Variants in PTPRQ observed in about 807,000 individuals in gnomAD.
PTPRQ encodes protein tyrosine phosphatase receptor type Q, also known as phosphatidylinositol phosphatase PTPRQ.
PTPRQ carries 199 observed loss-of-function variants against 246.0 expected under a neutral mutation model. That is an observed-to-expected ratio of 0.81 (90% confidence interval 0.72 to 0.91). The LOEUF (loss-of-function observed/expected upper bound fraction) is 0.91. Ranked by LOEUF, PTPRQ falls within the 40% of genes least tolerant of loss-of-function variation. PTPRQ has a pLI of 0.00. For missense variants in PTPRQ, 2,624 were observed against 2,528.4 expected (o/e 1.04, Z -0.81); for synonymous variants, 869 against 853.2 (o/e 1.02, Z -0.32).
chr12:80,555,813 T>C (rs988878651), intron 25 of PTPRQ, among the ~76,000 whole-genome samples: 48 of 152,190 alleles, frequency 3.2e-4, no homozygotes, highest in African/African-American at 1.1e-3. Flanking sequence ...TTTTTACACT[T>C]CTTGTAGTGC....
chr12:80,473,554 C>A (rs1893721664), intron 8 of PTPRQ, among the ~76,000 whole-genome samples: 1 of 152,204 alleles, frequency 6.6e-6, no homozygotes. Context: ...CTATTGTCTT[C>A]TTTCAAGACC....
chr12:80,472,329 G>T, intron 8 of PTPRQ, 78 bp downstream of exon 8: 1 of 1,504,622 alleles, frequency 6.6e-7, no homozygotes, highest in Non-Finnish European at 8.9e-7. Flanking sequence ...GATATTAGAA[G>T]CAATTTGTTT....
chr12:80,577,240 G>A (rs1565796817), intron 25 of PTPRQ, among the ~76,000 whole-genome samples: 1 of 152,214 alleles, frequency 6.6e-6, no homozygotes, highest in East Asian at 1.9e-4. Flanking sequence ...AGAAGTTTAA[G>A]TGACTCACAG....
chr12:80,669,446 G>T lies in PTPRQ; in HGVS notation c.6435G>T (p.Arg2145Ser). 6.5e-7 allele frequency: 1 copy of T among 1,544,916 alleles called. No homozygotes were observed. Among genetic ancestry groups the T allele is most frequent in the Non-Finnish European group, 8.7e-7 (1 of 1,144,402 alleles). The part of the protein sequence containing the change: ...MEDVQIDWTI[R>S]DLKIERHGDC... ...ATGTTCAAATAGATTGGACTATCAGGGATCTGAAAATTGAAAGGGTAAAAA... is the reference window on the plus strand; with the variant it reads ...ATGTTCAAATAGATTGGACTATCAGTGATCTGAAAATTGAAAGGGTAAAAA... Residue 2145 changes from arginine to serine, a missense_variant, in exon 41 of 45, where the codon AGG becomes AGT. By Grantham distance (110) the Arg-to-Ser change is moderately radical (BLOSUM62 -1). Transcript: ENST00000644991.
intron 3 of PTPRQ, chr12:80,454,659 G>C: frequency 1.6e-6 from 1 of 633,208 alleles, no homozygotes; most frequent in Non-Finnish European, 2.8e-6. Flanking sequence ...CTACTTTGTT[G>C]AGGGTTTTTA....
At chr12:80,600,963 G>A (rs1344645929) in intron 26 of PTPRQ, among the ~76,000 whole-genome samples, 4 of 151,802 alleles carry the variant, frequency 2.6e-5, no homozygotes, top group South Asian at 2.1e-4. Context: ...CATACCAGGC[G>A]AAATCCTGCC....
intron 16 of PTPRQ, among the ~76,000 whole-genome samples, chr12:80,507,811 A>G (rs1478772553): frequency 6.6e-6 from 1 of 152,032 alleles, no homozygotes; most frequent in African/African-American, 2.4e-5. Flanking sequence ...AGTTAAAATT[A>G]TCTTAATAAA....
intron 42 of PTPRQ, 123 bp from the exon 43 acceptor site, chr12:80,673,046 T>A: frequency 7.3e-7 from 1 of 1,368,938 alleles, no homozygotes; most frequent in Non-Finnish European, 9.6e-7. Flanking sequence ...CCAAAGAAAA[T>A]CTGCCTCCAA....
chr12:80,557,782 T>C (rs558007806), intron 25 of PTPRQ, among the ~76,000 whole-genome samples: 96 of 152,246 alleles, frequency 6.3e-4, no homozygotes, highest in African/African-American at 2.2e-3. Flanking sequence ...TGTACACAAA[T>C]AGTATATCAG....
intron 31 of PTPRQ, 96 bp downstream of exon 31, chr12:80,619,638 A>C: frequency 9.9e-7 from 1 of 1,005,598 alleles, no homozygotes; most frequent in Non-Finnish European, 1.3e-6. Flanking sequence ...ACTCCCAGTT[A>C]TCACACACCT....
intron 25 of PTPRQ, among the ~76,000 whole-genome samples, chr12:80,550,932 C>T (rs1019196223): frequency 6.6e-6 from 1 of 151,332 alleles, no homozygotes; most frequent in African/African-American, 2.4e-5. Flanking sequence ...TATTGATAGG[C>T]CCTCCTTCCA....
intron 27 of PTPRQ, among the ~76,000 whole-genome samples, 193 bp downstream of exon 27, chr12:80,605,373 C>T (rs764794622): frequency 1.9e-4 from 28 of 151,322 alleles, no homozygotes; most frequent in Admixed American, 5.3e-4. Flanking sequence ...AATCAGTTAA[C>T]ATGCATAAAG....
rs12312181 is a variant in PTPRQ at position 80,652,460 on chromosome 12, T to C, written c.6025-284T>C. 0.086 allele frequency among the ~76,000 whole-genome samples: 13,031 copies of C among 152,078 alleles called. 743 individuals are homozygous for C. The highest frequency in any genetic ancestry group is 0.18 in the South Asian group (888 of 4,818). ...CTGATGAAACCATTAGTAACATATG[T>C]AAAATGGTCACTAACATGGTTGCCA... On this transcript the variant is annotated intron_variant, in intron 37 of 44. Coordinates refer to ENST00000644991, the MANE Select transcript of PTPRQ (RefSeq NM_001145026.2).
intron 38 of PTPRQ, among the ~76,000 whole-genome samples, chr12:80,657,426 T>C (rs1900478437): frequency 6.6e-6 from 1 of 151,784 alleles, no homozygotes. Flanking sequence ...TTGAGAAATG[T>C]TTTTCAAAAT....
chr12:80,460,198 T>C (rs550315400), intron 5 of PTPRQ, among the ~76,000 whole-genome samples: 3 of 152,258 alleles, frequency 2.0e-5, no homozygotes, highest in Non-Finnish European at 2.9e-5. Flanking sequence ...TTTCAACTTA[T>C]GATATAGTTC....
Position 80,506,068 on chromosome 12 carries a change from T to C in PTPRQ, c.2317T>C (p.Ser773Pro). The C allele has an allele frequency of 6.5e-7, 1 of 1,547,302 alleles. No homozygotes were observed. The highest frequency in any genetic ancestry group is 8.7e-7 in the Non-Finnish European group (1 of 1,145,038). The change falls in exon 15 of 45, where the codon TCT becomes CCT. Residue 773 changes from serine (S) to proline (P), a missense_variant. Ser to Pro is a moderately conservative substitution (Grantham distance 74). Coordinates refer to ENST00000644991, the MANE Select transcript of PTPRQ (RefSeq NM_001145026.2). ...AAATATCACTTACAAAAATATTTCT[T>C]CTGGAGAGATTGAGCTATCATTCCT... The part of the protein sequence containing the change: ...PENITYKNIS[S>P]GEIELSFLPP...
chr12:80,616,819 A>G (rs1898781372), intron 30 of PTPRQ, among the ~76,000 whole-genome samples: 1 of 151,150 alleles, frequency 6.6e-6, no homozygotes, highest in Non-Finnish European at 1.5e-5. Context: ...TCAAAATAAA[A>G]CAAACAAACA....
chr12:80,447,202 T>A (rs2120392875), intron 3 of PTPRQ, among the ~76,000 whole-genome samples: 1 of 152,274 alleles, frequency 6.6e-6, no homozygotes, highest in South Asian at 2.1e-4. Context: ...TTGTGTGTCT[T>A]CTTTTGAGAA....
chr12:80,498,928 CTG>C (rs1894711172), intron 14 of PTPRQ, among the ~76,000 whole-genome samples: 2 of 151,790 alleles, frequency 1.3e-5, no homozygotes, highest in South Asian at 4.1e-4. Context: ...GTTTTATTGT[CTG>C]TATGAGTTTA....
Sources: allele counts gnomAD v4.1 joint callset (sites outside exome capture counted in the v4.1 genomes callset), GRCh38; gene constraint gnomAD v4.1.1; transcripts MANE v1.5; gene names NCBI Gene and HGNC (gene_info 2026-07-23, HGNC 2026-07-21).